The following ITIH5 variants were observed in gnomAD, a reference collection of about 807,000 sequenced individuals.
The protein encoded by ITIH5 is inter-alpha-trypsin inhibitor heavy chain 5, also known as inter-alpha-trypsin inhibitor heavy chain H5.
Under a neutral mutation model 77.5 loss-of-function variants are expected in ITIH5, and 65 were observed. That is an observed-to-expected ratio of 0.84 (90% confidence interval 0.69 to 1.03). The LOEUF is 1.03. Among genes scored for constraint, ITIH5 ranks in the 50% least tolerant of loss-of-function variants. The pLI, the probability that ITIH5 is intolerant of heterozygous loss-of-function variation, is 0.00. For synonymous variants in ITIH5, 525 were observed against 494.3 expected (o/e 1.06, Z -0.82); for missense variants, 1,208 against 1,213.1 (o/e 1.00, Z 0.06).
At chr10:7,571,377 C>T (rs1047563295) in intron 11 of ITIH5, 8 of 152,136 alleles carry the variant, frequency 5.3e-5, no homozygotes, top group South Asian at 2.1e-4. Context: ...ATACAACCTT[C>T]GCACAGCCTT....
intron 5 of ITIH5, among the ~76,000 whole-genome samples, chr10:7,634,088 CAAAAAAA>C (rs752092484): frequency 1.5e-4 from 9 of 60,030 alleles, no homozygotes; most frequent in Non-Finnish European, 2.2e-4. Context: ...GACTCCGTCT[CAAAAAAA>C]AAAAAAAAAA....
chr10:7,611,599 A>G (rs1057046274), intron 7 of ITIH5, among the ~76,000 whole-genome samples: 4 of 152,100 alleles, frequency 2.6e-5, no homozygotes, highest in African/African-American at 9.7e-5. Context: ...TTTTTTCATA[A>G]TTTTATCAAA....
intron 2 of ITIH5, among the ~76,000 whole-genome samples, chr10:7,648,545 G>A (rs944750648): frequency 2.0e-5 from 3 of 152,156 alleles, no homozygotes; most frequent in African/African-American, 7.2e-5. Context: ...ACTAGTGAGG[G>A]GAGAGTATTA....
chr10:7,595,118 C>T (rs1419805126), intron 7 of ITIH5, among the ~76,000 whole-genome samples: 1 of 152,142 alleles, frequency 6.6e-6, no homozygotes, highest in African/African-American at 2.4e-5. Context: ...ATTCAGGAGG[C>T]TGAGGCAGGA....
rs879234294 is a variant in ITIH5 at position 7,625,774 on chromosome 10, AAAG to A, written c.653-8495_653-8493del. 4.3e-3 allele frequency among the ~76,000 whole-genome samples: 476 copies of A among 110,416 alleles called. 2 individuals are homozygous for A. Among genetic ancestry groups the A allele is most frequent in the African/African-American group, 0.013 (335 of 26,392 alleles). The allele number at this position is 110,416 out of a possible 152,430, so 72.4% of individuals were successfully genotyped here. On this transcript the variant is annotated intron_variant, in intron 5 of 13. Coordinates refer to ENST00000397146, the MANE Select transcript of ITIH5 (RefSeq NM_030569.7). ...AGTGATATTCTGTCTCAAAAAAAAA[AAAG>A]AAAGAAAGAAAGAAAGAAAAAGAAA...
At chr10:7,638,673 G>C (rs1833837678) in intron 4 of ITIH5, among the ~76,000 whole-genome samples, 1 of 152,186 alleles carries the variant, frequency 6.6e-6, no homozygotes, top group Non-Finnish European at 1.5e-5. Flanking sequence ...AGCCAAGAAA[G>C]AGGAAAATGT....
At chr10:7,652,453 A>AT (rs1343130340) in intron 2 of ITIH5, among the ~76,000 whole-genome samples, 1 of 152,186 alleles carries the variant, frequency 6.6e-6, no homozygotes, top group Non-Finnish European at 1.5e-5. Context: ...CACTGAAGAC[A>AT]TGCACGCAAG....
chr10:7,633,623 T>A (rs1306247490), intron 5 of ITIH5, among the ~76,000 whole-genome samples: 1 of 152,052 alleles, frequency 6.6e-6, no homozygotes, highest in Non-Finnish European at 1.5e-5. Context: ...TGAACCTCTG[T>A]TTTAGTAAGT....
chr10:7,663,915 CAATA>C (rs1834319561), intron 1 of ITIH5, among the ~76,000 whole-genome samples: 1 of 152,190 alleles, frequency 6.6e-6, no homozygotes, highest in Admixed American at 6.5e-5. Flanking sequence ...TACAGATACT[CAATA>C]ACTGGTGGCT....
chr10:7,645,081 C>A (rs1412280121), intron 2 of ITIH5, among the ~76,000 whole-genome samples: 1 of 151,344 alleles, frequency 6.6e-6, no homozygotes, highest in Non-Finnish European at 1.5e-5. Context: ...GCAAAGGTGT[C>A]AGGGCCATTC....
intron 1 of ITIH5, among the ~76,000 whole-genome samples, chr10:7,656,545 ATAAT>A (rs1240751510): frequency 5.3e-5 from 8 of 152,140 alleles, no homozygotes; most frequent in Admixed American, 3.3e-4. Context: ...AAACTCATTA[ATAAT>A]TAATTAACTA....
chr10:7,581,857 C>T (rs374235159), intron 8 of ITIH5, among the ~76,000 whole-genome samples: 10 of 145,748 alleles, frequency 6.9e-5, no homozygotes, highest in East Asian at 6.0e-4. Flanking sequence ...CCACCATGCC[C>T]GGCCACCCAT....
Position 7,576,684 on chromosome 10 carries a change from T to C in ITIH5, c.1747A>G (p.Lys583Glu). 2 of 1,614,142 alleles carry C rather than the reference T, an allele frequency of 1.2e-6. No homozygotes were observed. Among genetic ancestry groups the C allele is most frequent in the Non-Finnish European group, 1.7e-6 (2 of 1,180,010 alleles). The stretch of plus-strand genomic sequence containing the variant: ...TGCAGCCAGGAGCTCAGCAGCTCCT[T>C]TGTGGTGAGGTAGCTCCAGAGACGC... ...IERLWSYLTT[K>E]ELLSSWLQSD... Residue 583 changes from lysine to glutamate, a missense_variant, in exon 10 of 14, where the codon AAG becomes GAG. Transcript: ENST00000397146.
intron 5 of ITIH5, chr10:7,621,508 C>T (rs1833473547): frequency 6.6e-6 from 1 of 152,110 alleles, no homozygotes; most frequent in Admixed American, 6.6e-5. Context: ...TTTACACACC[C>T]AAAGAATGGG....
At position 7,647,377 on chromosome 10, in the gene ITIH5, G is replaced by A. The variant is rs117829842; in HGVS notation, c.136-5287C>T. Among the ~76,000 whole-genome samples the A allele has an allele frequency of 1.7e-3, 260 of 152,292 alleles. 1 individual carries two copies. The highest frequency in any genetic ancestry group is 2.9e-3 in the Admixed American group (45 of 15,288). On this transcript the variant is annotated intron_variant, in intron 2 of 13. Transcript: ENST00000397146. Reference sequence around the variant, plus strand: ...CCCAGCTGCTCCTGCCAAGGAGCCCGGCTCATGCAGGAAGCTGCACTGCCC... The same window carrying A: ...CCCAGCTGCTCCTGCCAAGGAGCCCAGCTCATGCAGGAAGCTGCACTGCCC...
chr10:7,577,456 T>A (rs1402897388), intron 9 of ITIH5, among the ~76,000 whole-genome samples: 1 of 152,226 alleles, frequency 6.6e-6, no homozygotes, highest in Non-Finnish European at 1.5e-5. Context: ...TGTGATACAA[T>A]TTCAAGATTC....
Position 7,640,790 on chromosome 10 carries a change from A to T in ITIH5, c.365T>A (p.Val122Glu), listed in dbSNP as rs1345047655. ...TGTGGTTTTATTCCTTTTCTCTTTTACCCTATCACCACTCTTCTTTTCTCT... is the reference window on the plus strand; with the variant it reads ...TGTGGTTTTATTCCTTTTCTCTTTTTCCCTATCACCACTCTTCTTTTCTCT... ...TEREKKSGDRVKEKRNKTTEE... is the reference protein window; with the variant it reads ...TEREKKSGDREKEKRNKTTEE... Residue 122 changes from valine to glutamate, a missense_variant, in exon 4 of 14, where the codon GTA becomes GAA. By Grantham distance (121) the Val-to-Glu change is moderately radical. Coordinates refer to ENST00000397146, the MANE Select transcript of ITIH5 (RefSeq NM_030569.7). The T allele has an allele frequency of 1.9e-6, 3 of 1,612,768 alleles. No individual in the cohort carries two copies. In the African/African-American group the frequency reaches 4.0e-5, roughly 22 times the overall value.
At chr10:7,580,758 T>C (rs1052399120) in intron 8 of ITIH5, among the ~76,000 whole-genome samples, 1 of 152,120 alleles carries the variant, frequency 6.6e-6, no homozygotes, top group Non-Finnish European at 1.5e-5. Context: ...GCTGCTGACA[T>C]CTCAGATGCC....
intron 8 of ITIH5, among the ~76,000 whole-genome samples, chr10:7,580,984 G>A (rs963374690): frequency 6.6e-6 from 1 of 152,156 alleles, no homozygotes; most frequent in Non-Finnish European, 1.5e-5. Context: ...GGCCAGCCAG[G>A]CACGGTGGCT....
Sources: allele counts gnomAD v4.1 joint callset (sites outside exome capture counted in the v4.1 genomes callset), GRCh38; gene constraint gnomAD v4.1.1; transcripts MANE v1.5; gene names NCBI Gene and HGNC (gene_info 2026-07-23, HGNC 2026-07-21).